TMEM164: variants seen among roughly 807,000 people sequenced by gnomAD.
TMEM164 encodes transmembrane protein 164.
TMEM164 carries 4 observed loss-of-function variants against 18.8 expected under a neutral mutation model. That is an observed-to-expected ratio of 0.21 (90% CI 0.10 to 0.49). The LOEUF is 0.49. TMEM164 is among the 20% of genes least tolerant of loss of function. TMEM164 has a pLI of 0.98. For synonymous variants in TMEM164, 86 were observed against 101.7 expected (o/e 0.85, Z 0.93); for missense variants, 108 against 239.9 (o/e 0.45, Z 3.63).
chrX:110,015,810 G>A (rs774705555), intron 2 of TMEM164, among the ~76,000 whole-genome samples: 25 of 112,248 alleles, frequency 2.2e-4, no homozygotes, highest in Non-Finnish European at 3.9e-4. Context: ...CCCTTCTGCT[G>A]CAGGGCAGCT....
At chrX:110,090,311 A>T (rs1177003592) in intron 3 of TMEM164, among the ~76,000 whole-genome samples, 25 of 97,681 alleles carry the variant, frequency 2.6e-4, no homozygotes, top group Non-Finnish European at 4.4e-4. Context: ...TTTAGTCTGA[A>T]TTTTTTTTTT....
chrX:110,066,313 A>G (rs1345244198), intron 2 of TMEM164, among the ~76,000 whole-genome samples: 5 of 112,240 alleles, frequency 4.5e-5, no homozygotes, highest in Non-Finnish European at 7.5e-5. Flanking sequence ...ATAGGGACAC[A>G]TGTCAACGAT....
Position 110,171,405 on chromosome X carries a change from C to G in TMEM164, c.587-15C>G, listed in dbSNP as rs749255064. On this transcript the variant is annotated splice_polypyrimidine_tract_variant and intron_variant, in intron 5 of 6. Coordinates refer to ENST00000372068, the MANE Select transcript of TMEM164 (RefSeq NM_032227.4). The stretch of plus-strand genomic sequence containing the variant: ...CACTATTCCTGCCATCTCACCATCT[C>G]CCCTCTTCCTCCAGGTGCTTACACT... 48 of 1,163,591 alleles carry G rather than the reference C, an allele frequency of 4.1e-5. No homozygotes were observed. Among genetic ancestry groups the G allele is most frequent in the Non-Finnish European group, 5.6e-5 (48 of 859,054 alleles).
At chrX:110,037,112 T>C in intron 2 of TMEM164, among the ~76,000 whole-genome samples, 1 of 106,376 alleles carries the variant, frequency 9.4e-6, no homozygotes. Flanking sequence ...GGTAGAGCCG[T>C]AGAGAGAGAG....
chrX:110,019,053 A>G (rs1933647823), intron 2 of TMEM164, among the ~76,000 whole-genome samples: 1 of 111,599 alleles, frequency 9.0e-6, no homozygotes, highest in African/African-American at 3.3e-5. Context: ...ATGTAGGGTT[A>G]TATAAATGCT....
At chrX:110,074,959 A>G (rs148067248) in intron 3 of TMEM164, among the ~76,000 whole-genome samples, 2 of 111,710 alleles carry the variant, frequency 1.8e-5, no homozygotes, top group South Asian at 3.7e-4. Flanking sequence ...TTGGTTATCT[A>G]TGGATTTTAG....
intron 2 of TMEM164, among the ~76,000 whole-genome samples, chrX:110,028,070 T>C (rs77268991): frequency 8.9e-6 from 1 of 112,455 alleles, no homozygotes; most frequent in African/African-American, 3.2e-5. Flanking sequence ...TATAGGAATT[T>C]TCAGACATTG....
At chrX:110,070,232 C>G (rs2065567035) in intron 3 of TMEM164, among the ~76,000 whole-genome samples, 1 of 111,589 alleles carries the variant, frequency 9.0e-6, no homozygotes, top group South Asian at 3.7e-4. Context: ...AGGAGAATCA[C>G]TTGAACCCAG....
chrX:110,070,710 C>A (rs781341974), intron 3 of TMEM164, among the ~76,000 whole-genome samples: 1 of 109,671 alleles, frequency 9.1e-6, no homozygotes, highest in Non-Finnish European at 1.9e-5. Context: ...CATGATGAAA[C>A]CTCGTCTCTA....
chrX:110,100,873 G>A (rs951205346), intron 3 of TMEM164, among the ~76,000 whole-genome samples: 1 of 111,463 alleles, frequency 9.0e-6, no homozygotes, highest in Non-Finnish European at 1.9e-5. Context: ...ACAGGTGTGA[G>A]CCACCGTGCC....
At chrX:110,129,768 C>T (rs1376499552) in intron 4 of TMEM164, among the ~76,000 whole-genome samples, 1 of 111,750 alleles carries the variant, frequency 8.9e-6, no homozygotes, top group Admixed American at 9.5e-5. Context: ...CAGTGCTCTC[C>T]TGAAATATCT....
chrX:110,157,499 C>A (rs1275790059), intron 5 of TMEM164, among the ~76,000 whole-genome samples: 2 of 111,340 alleles, frequency 1.8e-5, no homozygotes, highest in African/African-American at 6.6e-5. Flanking sequence ...TGCCCCAGGG[C>A]TGAGCATGTT....
rs1465793593 is a variant in TMEM164 at position 110,174,258 on chromosome X, CTG to C, written c.*810_*811del. 1 of 111,847 alleles carries C rather than the reference CTG, an allele frequency of 8.9e-6. No homozygotes were observed. The highest frequency in any genetic ancestry group is 1.9e-5 in the Non-Finnish European group (1 of 53,166). 9.2% of individuals were successfully genotyped at this position (111,847 alleles called of 1,213,427 possible). Reference sequence around the variant, plus strand: ...CCCAATCAGAAGTGAGCACAGAAAACTGTGATTTGAATCATACACTCTGTTTT... The same window carrying C: ...CCCAATCAGAAGTGAGCACAGAAAACTGATTTGAATCATACACTCTGTTTT... On this transcript the variant is annotated 3_prime_UTR_variant, in exon 7 of 7. Coordinates refer to ENST00000372068, the MANE Select transcript of TMEM164 (RefSeq NM_032227.4).
intron 2 of TMEM164, among the ~76,000 whole-genome samples, chrX:110,034,292 G>C (rs1250213424): frequency 5.3e-5 from 6 of 112,343 alleles, no homozygotes; most frequent in Non-Finnish European, 1.1e-4. Flanking sequence ...TCCAGAATTG[G>C]TGAGCTGTTC....
chrX:110,088,789 C>G (rs770888745), intron 3 of TMEM164, among the ~76,000 whole-genome samples: 3 of 112,191 alleles, frequency 2.7e-5, no homozygotes, highest in Non-Finnish European at 3.8e-5. Context: ...TTTGAAAGTT[C>G]CTAGAGCAGG....
chrX:110,055,386 T>C, intron 2 of TMEM164: 1 of 357,678 alleles, frequency 2.8e-6, no homozygotes, highest in Non-Finnish European at 5.6e-6. Context: ...TAGACTATAA[T>C]TGAATGGCGC....
At chrX:110,055,189 A>G (rs1439092498) in intron 2 of TMEM164, 1 of 310,460 alleles carries the variant, frequency 3.2e-6, no homozygotes, top group African/African-American at 2.7e-5. Flanking sequence ...TGCTATGGCC[A>G]TGCTATTCTC....
chrX:110,138,933 G>A (rs2066729237), intron 4 of TMEM164, among the ~76,000 whole-genome samples: 2 of 111,743 alleles, frequency 1.8e-5, no homozygotes, highest in Admixed American at 1.9e-4. Context: ...CTCAACAAAA[G>A]CAATTTGAGT....
chrX:110,030,888 C>CTT (rs2147753346), intron 2 of TMEM164, among the ~76,000 whole-genome samples: 1 of 110,394 alleles, frequency 9.1e-6, no homozygotes, highest in African/African-American at 3.3e-5. Context: ...TACATTGTGT[C>CTT]TTATAATTTT....
Sources: gnomAD v4.1 joint callset for allele counts (sites outside exome capture counted in the v4.1 genomes callset) on GRCh38, gnomAD v4.1.1 for gene constraint, MANE v1.5 for transcripts, NCBI Gene and HGNC (gene_info 2026-07-23, HGNC 2026-07-21) for gene names.